The following NLRP11 variants were observed in gnomAD, a reference collection of about 807,000 sequenced individuals.
The protein encoded by NLRP11 is NACHT, LRR and PYD domains-containing protein 11.
NLRP11 carries 53 observed loss-of-function variants against 79.3 expected under a neutral mutation model. That is an observed-to-expected ratio of 0.67 (90% CI 0.54 to 0.84). The LOEUF (loss-of-function observed/expected upper bound fraction) is 0.84. Ranked by LOEUF, NLRP11 falls within the 40% of genes least tolerant of loss-of-function variation. NLRP11 has a pLI of 0.00. For synonymous variants in NLRP11, 518 were observed against 462.6 expected (o/e 1.12, Z -1.54); for missense variants, 1,264 against 1,255.0 (o/e 1.01, Z -0.11).
At chr19:55,787,644 C>T (rs1195714019) in intron 9 of NLRP11, among the ~76,000 whole-genome samples, 2 of 152,206 alleles carry the variant, frequency 1.3e-5, no homozygotes, top group South Asian at 4.1e-4. Flanking sequence ...GCCAAATTTG[C>T]TTCTATCCAA....
intron 3 of NLRP11, 96 bp downstream of exon 3, chr19:55,808,673 A>T (rs1980246268): frequency 1.8e-6 from 2 of 1,122,574 alleles, no homozygotes; most frequent in Middle Eastern, 3.1e-4. Context: ...CAAGTTCTTC[A>T]TGGCCCCGAG....
Position 55,792,488 on chromosome 19 carries a change from G to A in NLRP11, c.2343-17C>T, listed in dbSNP as rs745637718. 1 of 1,611,488 alleles carries A rather than the reference G, an allele frequency of 6.2e-7. No homozygotes were observed. The highest frequency in any genetic ancestry group is 1.7e-5 in the Admixed American group (1 of 60,012). The stretch of plus-strand genomic sequence containing the variant: ...AAGACTAACCTGCACACAGAGAAGA[G>A]TGAGTCAGTGACAGTGTGAGCACCA... On this transcript the variant is annotated splice_polypyrimidine_tract_variant and intron_variant, in intron 6 of 9. Transcript: ENST00000589093.
At chr19:55,797,840 T>C (rs2122754977) in intron 5 of NLRP11, among the ~76,000 whole-genome samples, 1 of 152,204 alleles carries the variant, frequency 6.6e-6, no homozygotes, top group East Asian at 1.9e-4. Context: ...GGAATTTCTG[T>C]CAGAGGAAAT....
At chr19:55,821,249 A>ACACACACACACACAC (rs1443325918) in intron 1 of NLRP11, among the ~76,000 whole-genome samples, 1 of 124,376 alleles carries the variant, frequency 8.0e-6, no homozygotes, top group African/African-American at 2.9e-5. Context: ...ACACACACAC[A>ACACACACACACACAC]CCCCAAGCAC....
Position 55,808,106 on chromosome 19 carries a change from C to G in NLRP11, c.1842-92G>C, listed in dbSNP as rs971175145. 7.2e-6 allele frequency: 6 copies of G among 834,954 alleles called. No individual in the cohort carries two copies. In the African/African-American group the frequency reaches 1.0e-4, roughly 14 times the overall value. 51.7% of individuals were successfully genotyped at this position (834,954 alleles called of 1,614,324 possible). A position where few individuals can be genotyped will look rare whatever the true frequency, so the allele number is the denominator to read the frequency against. ...AAATTAAAGTATGTTTTGAGAGTGC[C>G]TGTTGTCTGACTCAGATTTAATACC... On this transcript the variant is annotated intron_variant, in intron 3 of 9. Transcript: ENST00000589093.
At chr19:55,808,650 C>T (rs1166606061) in intron 3 of NLRP11, 119 bp downstream of exon 3, 7 of 874,490 alleles carry the variant, frequency 8.0e-6, no homozygotes, top group African/African-American at 1.7e-5. Flanking sequence ...TAATTAGAAG[C>T]TAGATTGGAA....
chr19:55,823,170 C>G (rs1406611482), intron 1 of NLRP11, among the ~76,000 whole-genome samples: 1 of 146,114 alleles, frequency 6.8e-6, no homozygotes, highest in East Asian at 2.1e-4. Flanking sequence ...CCTCACACGG[C>G]AGGGTATTCC....
At chr19:55,819,360 C>G (rs1307664557) in intron 1 of NLRP11, among the ~76,000 whole-genome samples, 1 of 152,134 alleles carries the variant, frequency 6.6e-6, no homozygotes, top group African/African-American at 2.4e-5. Flanking sequence ...AACTGCCACC[C>G]CTTGGTTATC....
chr19:55,819,126 T>TACACACACACAC lies in NLRP11; in HGVS notation c.-62-902_-62-891dup, dbSNP rs59055964. On this transcript the variant is annotated intron_variant, in intron 1 of 9. Transcript: ENST00000589093. ...CCCCACTGTACTGAGTGGTATCGCC[T>TACACACACACAC]ACACACACACACACACACACACACA... Among the ~76,000 whole-genome samples, 24 of 105,266 alleles carry TACACACACACAC rather than the reference T, an allele frequency of 2.3e-4. 1 individual carries two copies. Among genetic ancestry groups the TACACACACACAC allele is most frequent in the East Asian group, 1.2e-3 (4 of 3,406 alleles). The allele number at this position is 105,266 out of a possible 152,430, so 69.1% of individuals were successfully genotyped here.
chr19:55,798,735 AACACACACACACACACTCAC>A (rs1568631392), intron 5 of NLRP11, among the ~76,000 whole-genome samples: 1 of 150,302 alleles, frequency 6.7e-6, no homozygotes. Flanking sequence ...TTTTGCTTCA[AACACACACACACACACTCAC>A]ACACACACAC....
At chr19:55,833,934 C>T (rs1983021590), upstream of NLRP11, among the ~76,000 whole-genome samples, 1 of 149,850 alleles carries the variant, frequency 6.7e-6, no homozygotes, top group Non-Finnish European at 1.5e-5. Flanking sequence ...GAGCTGGTGC[C>T]ATTTGTATTT....
Position 55,819,589 on chromosome 19 carries a change from G to T in NLRP11, c.-62-1353C>A, listed in dbSNP as rs1264209585. Among the ~76,000 whole-genome samples, 4 of 152,178 alleles carry T rather than the reference G, an allele frequency of 2.6e-5. No homozygotes were observed. The East Asian group carries it at 5.8e-4, about 22-fold the overall frequency. ...ATCTGATCAGATATGAGTGGATGTG[G>T]ATTGGCTAACATCTCCATGGTTTTA... is the stretch of plus-strand genomic sequence containing the variant. On this transcript the variant is annotated intron_variant, in intron 1 of 9. Coordinates refer to ENST00000589093, the Ensembl canonical transcript of NLRP11.
At chr19:55,793,189 T>C (rs529960494) in intron 6 of NLRP11, among the ~76,000 whole-genome samples, 39 of 151,986 alleles carry the variant, frequency 2.6e-4, no homozygotes, top group Non-Finnish European at 5.0e-4. Context: ...CGAATCTCTA[T>C]TTTTTTTAAC....
intron 1 of NLRP11, among the ~76,000 whole-genome samples, chr19:55,823,014 T>C (rs1981937101): frequency 1.3e-5 from 2 of 150,896 alleles, no homozygotes; most frequent in South Asian, 2.1e-4. Flanking sequence ...AATGTCCCTG[T>C]CTGACAGCTT....
At chr19:55,795,230 G>A (rs1171519799) in intron 6 of NLRP11, among the ~76,000 whole-genome samples, 26 of 151,974 alleles carry the variant, frequency 1.7e-4, no homozygotes, top group Admixed American at 1.4e-3. Flanking sequence ...GCTTACCTAC[G>A]AGTAACCCAC....
chr19:55,786,533 A>G (rs74589177), intron 9 of NLRP11, among the ~76,000 whole-genome samples: 1 of 150,906 alleles, frequency 6.6e-6, no homozygotes, highest in South Asian at 2.1e-4. Context: ...AAAAAAAAAA[A>G]TTTACATAGC....
intron 5 of NLRP11, among the ~76,000 whole-genome samples, chr19:55,800,531 C>T (rs1979379720): frequency 6.6e-6 from 1 of 152,124 alleles, no homozygotes; most frequent in Non-Finnish European, 1.5e-5. Context: ...TGGTCTCGAA[C>T]TCTTGAATTC....
Position 55,796,256 on chromosome 19 carries a change from A to G in NLRP11, c.2172-6T>C. On this transcript the variant is annotated splice_region_variant and splice_polypyrimidine_tract_variant and intron_variant, in intron 5 of 9. Coordinates refer to ENST00000589093, the Ensembl canonical transcript of NLRP11. The stretch of plus-strand genomic sequence containing the variant: ...GCAAATCACATTTCATCAAGCTGTA[A>G]GAGGAATTCAGAAATGAAAAGAGGC... The G allele has an allele frequency of 6.2e-7, 1 of 1,608,954 alleles. No homozygotes were observed. The highest frequency in any genetic ancestry group is 8.5e-7 in the Non-Finnish European group (1 of 1,176,768).
chr19:55,808,487 G>A (rs1432568428), intron 3 of NLRP11, among the ~76,000 whole-genome samples: 1 of 152,130 alleles, frequency 6.6e-6, no homozygotes, highest in Non-Finnish European at 1.5e-5. Flanking sequence ...GACCCTACTG[G>A]CCACAGGAGA....
Sources: gnomAD v4.1 joint callset for allele counts (sites outside exome capture counted in the v4.1 genomes callset) on GRCh38, gnomAD v4.1.1 for gene constraint, MANE v1.5 for transcripts, NCBI Gene and HGNC (gene_info 2026-07-23, HGNC 2026-07-21) for gene names.